The following GPC5 variants were observed in gnomAD, a reference collection of about 807,000 sequenced individuals.
GPC5 encodes glypican 5.
In GPC5, 47 loss-of-function variants were observed where a neutral mutation model predicts 53.9. That is an observed-to-expected ratio of 0.87 (90% CI 0.69 to 1.11). The LOEUF (loss-of-function observed/expected upper bound fraction) is 1.11, where lower values mean the gene tolerates loss of function less well. Among genes scored for constraint, GPC5 ranks in the 50% most tolerant of loss-of-function variants. GPC5 has a pLI of 0.00. For synonymous variants in GPC5, 286 were observed against 263.3 expected, an observed-to-expected ratio of 1.09 and a Z score of -0.84; for missense variants, 748 against 713.1, an observed-to-expected ratio of 1.05 and a Z score of -0.56.
intron 7 of GPC5, among the ~76,000 whole-genome samples, chr13:92,662,036 A>C (rs1250223099): frequency 6.6e-6 from 1 of 152,164 alleles, no homozygotes; most frequent in South Asian, 2.1e-4. Flanking sequence ...ATGTCTTCCA[A>C]GATCAAGTCC....
At chr13:92,293,858 A>G (rs1208677581) in intron 7 of GPC5, among the ~76,000 whole-genome samples, 1 of 152,138 alleles carries the variant, frequency 6.6e-6, no homozygotes, top group Non-Finnish European at 1.5e-5. Context: ...ATATTGAGCT[A>G]TGTCCCTTGT....
chr13:91,499,502 C>T (rs2139289244), intron 2 of GPC5, among the ~76,000 whole-genome samples: 1 of 152,304 alleles, frequency 6.6e-6, no homozygotes, highest in East Asian at 1.9e-4. Context: ...CCCTAGTAAA[C>T]TTTGAAAACG....
At chr13:92,755,054 T>G (rs893304928) in intron 7 of GPC5, among the ~76,000 whole-genome samples, 56 of 151,902 alleles carry the variant, frequency 3.7e-4, no homozygotes, top group African/African-American at 1.4e-3. Context: ...CCACACCTAT[T>G]CCAAAACTGA....
chr13:92,060,293 A>G (rs2041112337), intron 6 of GPC5, among the ~76,000 whole-genome samples: 1 of 152,084 alleles, frequency 6.6e-6, no homozygotes, highest in Admixed American at 6.5e-5. Flanking sequence ...TGCCTTTTGT[A>G]TTGAATATAA....
intron 7 of GPC5, among the ~76,000 whole-genome samples, chr13:92,813,777 C>T (rs960007695): frequency 6.6e-6 from 1 of 152,028 alleles, no homozygotes; most frequent in African/African-American, 2.4e-5. Flanking sequence ...GTAACATGCT[C>T]ATGTTCTAAA....
chr13:92,734,856 A>G lies in GPC5; in HGVS notation c.1562-131426A>G, dbSNP rs192853848. ...AATACTTTGCAGTCTTCCTAAAAGC[A>G]TTCACTTTGTTATTCTTCTCTATTT... On this transcript the variant is annotated intron_variant, in intron 7 of 7. Coordinates refer to ENST00000377067, the MANE Select transcript of GPC5 (RefSeq NM_004466.6). Among the ~76,000 whole-genome samples the G allele has an allele frequency of 1.2e-4, 18 of 152,034 alleles. No individual in the cohort carries two copies. In the East Asian group the frequency reaches 3.5e-3, roughly 30 times the overall value.
At chr13:91,558,432 T>C (rs1439746358) in intron 2 of GPC5, among the ~76,000 whole-genome samples, 1 of 152,128 alleles carries the variant, frequency 6.6e-6, no homozygotes, top group East Asian at 1.9e-4. Context: ...TTGTGGCTTA[T>C]AATATTGGAT....
intron 7 of GPC5, among the ~76,000 whole-genome samples, chr13:92,851,761 T>C (rs563340023): frequency 1.1e-3 from 163 of 148,092 alleles, no homozygotes; most frequent in African/African-American, 3.6e-3. Flanking sequence ...TGGTGGTGGG[T>C]GCCTGTAGTC....
chr13:92,379,499 C>T (rs142672414), intron 7 of GPC5, among the ~76,000 whole-genome samples: 6 of 152,294 alleles, frequency 3.9e-5, no homozygotes, highest in Non-Finnish European at 8.8e-5. Flanking sequence ...TAGTTCCTCT[C>T]TCTGTCCTCT....
At chr13:91,787,999 CT>C (rs754101929) in intron 5 of GPC5, among the ~76,000 whole-genome samples, 1 of 151,868 alleles carries the variant, frequency 6.6e-6, no homozygotes, top group African/African-American at 2.4e-5. Context: ...AGGGTGAGAG[CT>C]TTTTTTTAAA....
intron 5 of GPC5, among the ~76,000 whole-genome samples, chr13:91,861,028 A>C (rs769670304): frequency 4.6e-5 from 7 of 152,106 alleles, no homozygotes; most frequent in Admixed American, 6.6e-5. Flanking sequence ...GGTTTCCTAG[A>C]TATGTCTTAT....
intron 7 of GPC5, among the ~76,000 whole-genome samples, chr13:92,795,033 A>G (rs1478972830): frequency 6.6e-6 from 1 of 152,170 alleles, no homozygotes; most frequent in Non-Finnish European, 1.5e-5. Context: ...GGAAAAAACT[A>G]CTTTAAAGTT....
intron 2 of GPC5, among the ~76,000 whole-genome samples, chr13:91,568,457 C>T (rs1376843295): frequency 6.6e-6 from 1 of 151,528 alleles, no homozygotes; most frequent in Non-Finnish European, 1.5e-5. Context: ...ATAAGGGTTT[C>T]TAGGATATGA....
chr13:92,238,067 A>G (rs2042583044), intron 7 of GPC5, among the ~76,000 whole-genome samples: 1 of 151,962 alleles, frequency 6.6e-6, no homozygotes, highest in Non-Finnish European at 1.5e-5. Context: ...CTTTTCTTTC[A>G]ATGGATATCA....
chr13:92,359,742 A>G (rs553739551), intron 7 of GPC5, among the ~76,000 whole-genome samples: 3 of 151,648 alleles, frequency 2.0e-5, no homozygotes, highest in Non-Finnish European at 2.9e-5. Context: ...GAGGTGCCAC[A>G]ACACTTTTAA....
chr13:92,497,785 G>A (rs534848772), intron 7 of GPC5, among the ~76,000 whole-genome samples: 1 of 151,778 alleles, frequency 6.6e-6, no homozygotes, highest in Admixed American at 6.6e-5. Flanking sequence ...TTTCCTTGTA[G>A]TTCTACCTAA....
At chr13:92,810,230 C>A (rs2138797548) in intron 7 of GPC5, among the ~76,000 whole-genome samples, 1 of 150,370 alleles carries the variant, frequency 6.7e-6, no homozygotes, top group African/African-American at 2.5e-5. Flanking sequence ...CTATAAGTCA[C>A]TGATATTAAC....
At chr13:91,532,818 T>G (rs1359454820) in intron 2 of GPC5, among the ~76,000 whole-genome samples, 1 of 152,072 alleles carries the variant, frequency 6.6e-6, no homozygotes, top group Non-Finnish European at 1.5e-5. Context: ...TGAGCCAAGG[T>G]AGCCAAGATC....
intron 7 of GPC5, among the ~76,000 whole-genome samples, chr13:92,295,061 C>A (rs1813076245): frequency 6.6e-6 from 1 of 151,946 alleles, no homozygotes; most frequent in Non-Finnish European, 1.5e-5. Context: ...AACTCCTGTC[C>A]TCAGGTGATA....
Sources: gnomAD v4.1 joint callset for allele counts (sites outside exome capture counted in the v4.1 genomes callset) on GRCh38, gnomAD v4.1.1 for gene constraint, MANE v1.5 for transcripts, NCBI Gene and HGNC (gene_info 2026-07-23, HGNC 2026-07-21) for gene names.